Variants in FOXN2 observed in about 807,000 individuals in gnomAD.
The protein encoded by FOXN2 is forkhead box N2.
A neutral mutation model predicts 41.2 loss-of-function variants in FOXN2; 19 were observed. That is an observed-to-expected ratio of 0.46 (90% CI 0.32 to 0.68). FOXN2 has a LOEUF of 0.68. Among genes scored for constraint, FOXN2 ranks in the 30% least tolerant of loss-of-function variants. The pLI is 0.03. For missense variants in FOXN2, 587 were observed against 509.4 expected (o/e 1.15, Z -1.47); for synonymous variants, 195 against 176.8 (o/e 1.10, Z -0.82).
chr2:48,351,446 T>G (rs1671442216), intron 3 of FOXN2, among the ~76,000 whole-genome samples: 1 of 151,902 alleles, frequency 6.6e-6, no homozygotes, highest in Non-Finnish European at 1.5e-5. Context: ...ATGAACAGAG[T>G]CAGAGAGAAG....
Position 48,376,986 on chromosome 2 carries a change from T to C in FOXN2, c.*1543T>C, listed in dbSNP as rs1673296974. On this transcript the variant is annotated 3_prime_UTR_variant, in exon 7 of 7. Coordinates refer to ENST00000340553, the MANE Select transcript of FOXN2 (RefSeq NM_002158.4). ...TTTTTTAAGAGACAAATTTTAACTT[T>C]TAATTTTTATTTTGGCAAAACTGTC... 1 of 152,126 alleles carries C rather than the reference T, an allele frequency of 6.6e-6. No homozygotes were observed. Among genetic ancestry groups the C allele is most frequent in the African/African-American group, 2.4e-5 (1 of 41,428 alleles). 9.4% of individuals were successfully genotyped at this position (152,126 alleles called of 1,614,324 possible). A position where few individuals can be genotyped will look rare whatever the true frequency, so the allele number is the denominator to read the frequency against.
chr2:48,324,531 A>T (rs1051140864), intron 1 of FOXN2, among the ~76,000 whole-genome samples: 1 of 152,084 alleles, frequency 6.6e-6, no homozygotes, highest in Non-Finnish European at 1.5e-5. Context: ...ATGTAGTTTG[A>T]TTAAAATGAC....
intron 5 of FOXN2, among the ~76,000 whole-genome samples, chr2:48,368,263 T>C (rs955308098): frequency 2.0e-5 from 3 of 152,238 alleles, no homozygotes; most frequent in Non-Finnish European, 2.9e-5. Context: ...AATAGTGTTA[T>C]TGTTTTTAAA....
intron 2 of FOXN2, among the ~76,000 whole-genome samples, chr2:48,338,196 G>A (rs59761994): frequency 0.43 from 65,814 of 151,948 alleles, 14,504 homozygotes; most frequent in East Asian, 0.52. Flanking sequence ...AAGTTTTCTC[G>A]ATATCTCATC....
Position 48,346,534 on chromosome 2 carries a change from A to C in FOXN2, c.320A>C (p.Lys107Thr). 3 of 1,613,536 alleles carry C rather than the reference A, an allele frequency of 1.9e-6. No homozygotes were observed. In the South Asian group the frequency reaches 3.3e-5, roughly 18 times the overall value. Residue 107 changes from lysine to threonine, a missense_variant, in exon 3 of 7, where the codon AAA (lysine) becomes ACA (threonine). Physicochemically the swap from Lys to Thr is moderately conservative, Grantham distance 78 (BLOSUM62 -1). Transcript: ENST00000340553. The stretch of plus-strand genomic sequence containing the variant: ...GCTTGCTACCAGAACCCAGAAAAAA[A>C]ATCAGCGACTTCAAAGCCCCCATAC... ...GPACYQNPEK[K>T]SATSKPPYSF...
At chr2:48,337,866 G>T (rs57668696) in intron 2 of FOXN2, among the ~76,000 whole-genome samples, 17 of 151,742 alleles carry the variant, frequency 1.1e-4, no homozygotes, top group Non-Finnish European at 2.1e-4. Flanking sequence ...AAATTGAAAA[G>T]TTTTTCCAGT....
rs1436595533 is a variant in FOXN2, at chr2:48,371,963, ATGT to A, written c.704-1325_704-1323del. On this transcript the variant is annotated intron_variant, in intron 5 of 6. Coordinates refer to ENST00000340553, the MANE Select transcript of FOXN2 (RefSeq NM_002158.4). The stretch of plus-strand genomic sequence containing the variant: ...TTTAGTTTTTTCTATATATAAGATC[ATGT>A]TGTCTGCAAACAGGGACGTTTGACT... Among the ~76,000 whole-genome samples, 3 of 152,280 alleles carry A rather than the reference ATGT, an allele frequency of 2.0e-5. No homozygotes were observed. The East Asian group carries it at 5.8e-4, about 29-fold the overall frequency.
intron 4 of FOXN2, among the ~76,000 whole-genome samples, chr2:48,361,748 T>C (rs1672202690): frequency 6.6e-6 from 1 of 152,078 alleles, no homozygotes; most frequent in South Asian, 2.1e-4. Context: ...AGAAGAGAAG[T>C]AGTTTTTCCC....
At chr2:48,318,335 T>C (rs1669070529) in intron 1 of FOXN2, among the ~76,000 whole-genome samples, 1 of 152,250 alleles carries the variant, frequency 6.6e-6, no homozygotes. Flanking sequence ...TTTTAAGAAG[T>C]GCTTGTCAGA....
At chr2:48,327,619 A>G (rs1198188301) in intron 1 of FOXN2, among the ~76,000 whole-genome samples, 1 of 151,946 alleles carries the variant, frequency 6.6e-6, no homozygotes, top group African/African-American at 2.4e-5. Context: ...CTAATTTTGT[A>G]TTTTTAGTAG....
chr2:48,341,808 C>T (rs1057451658), intron 2 of FOXN2, among the ~76,000 whole-genome samples: 1 of 152,186 alleles, frequency 6.6e-6, no homozygotes, highest in African/African-American at 2.4e-5. Flanking sequence ...AGTACAAAAA[C>T]ATAGGCTGAG....
At chr2:48,321,001 TTC>T (rs779670754) in intron 1 of FOXN2, among the ~76,000 whole-genome samples, 11 of 152,166 alleles carry the variant, frequency 7.2e-5, no homozygotes, top group Non-Finnish European at 1.2e-4. Flanking sequence ...TCTTTCACTT[TTC>T]TCTCCTTTTT....
At chr2:48,368,511 G>A (rs1463134824) in intron 5 of FOXN2, among the ~76,000 whole-genome samples, 1 of 152,044 alleles carries the variant, frequency 6.6e-6, no homozygotes, top group Non-Finnish European at 1.5e-5. Context: ...GGGCAACATG[G>A]TGAAACCCCA....
chr2:48,347,220 CTTTT>C (rs751958598), intron 3 of FOXN2, among the ~76,000 whole-genome samples: 4 of 75,736 alleles, frequency 5.3e-5, no homozygotes, highest in Admixed American at 1.8e-4. Flanking sequence ...TGTTTTGGTG[CTTTT>C]TTTTTTTTTT....
intron 3 of FOXN2, among the ~76,000 whole-genome samples, chr2:48,347,651 C>G (rs1671199285): frequency 6.6e-6 from 1 of 151,976 alleles, no homozygotes; most frequent in Non-Finnish European, 1.5e-5. Flanking sequence ...TTTAATTTAT[C>G]ATTGGTCCAC....
At chr2:48,317,945 T>A (rs1448093650) in intron 1 of FOXN2, among the ~76,000 whole-genome samples, 1 of 152,098 alleles carries the variant, frequency 6.6e-6, no homozygotes, top group African/African-American at 2.4e-5. Context: ...ATCCTCTAAA[T>A]GAGAAGGCTA....
chr2:48,314,448 C>G (rs927549095), upstream of FOXN2, among the ~76,000 whole-genome samples: 11 of 152,256 alleles, frequency 7.2e-5, no homozygotes, highest in Non-Finnish European at 1.5e-4. Context: ...GCATTTCACC[C>G]CCACCCCAGC....
chr2:48,339,039 A>G (rs1476674422), intron 2 of FOXN2, among the ~76,000 whole-genome samples: 1 of 152,212 alleles, frequency 6.6e-6, no homozygotes. Context: ...TAGATACTTT[A>G]TGGAAGAATA....
Position 48,346,335 on chromosome 2 carries a change from A to C in FOXN2, c.121A>C (p.Arg41=), listed in dbSNP as rs1240897487. The C allele has an allele frequency of 6.2e-7, 1 of 1,614,136 alleles. No individual in the cohort carries two copies. Among genetic ancestry groups the C allele is most frequent in the East Asian group, 2.2e-5 (1 of 44,896 alleles). Residue 41 remains arginine (R), a synonymous_variant, in exon 3 of 7, where the codon AGG becomes CGG. Coordinates refer to ENST00000340553, the MANE Select transcript of FOXN2 (RefSeq NM_002158.4). ...GSLPEAVDAA[R]PKATLVDSES... is the part of the protein sequence containing the mutation. ...CTTGCCTGAAGCTGTTGATGCTGCC[A>C]GGCCGAAGGCCACTCTAGTGGACAG...
Sources: gnomAD v4.1 joint callset for allele counts (sites outside exome capture counted in the v4.1 genomes callset) on GRCh38, gnomAD v4.1.1 for gene constraint, MANE v1.5 for transcripts, NCBI Gene and HGNC (gene_info 2026-07-23, HGNC 2026-07-21) for gene names.